DIP2C: variants seen among roughly 807,000 people sequenced by gnomAD.
The protein encoded by DIP2C is disco-interacting protein 2 homolog C.
A neutral mutation model predicts 192.4 loss-of-function variants in DIP2C; 33 were observed. That is an observed-to-expected ratio of 0.17 (90% CI 0.13 to 0.23). DIP2C has a LOEUF of 0.23. Ranked by LOEUF, DIP2C falls within the 10% of genes least tolerant of loss-of-function variation. DIP2C has a pLI of 1.00. For missense variants in DIP2C, 1,537 were observed against 2,110.1 expected (o/e 0.73, Z 5.32); for synonymous variants, 979 against 864.1 (o/e 1.13, Z -2.33).
At chr10:655,966 G>A (rs1856274583) in intron 1 of DIP2C, among the ~76,000 whole-genome samples, 1 of 151,516 alleles carries the variant, frequency 6.6e-6, no homozygotes, top group South Asian at 2.1e-4. Context: ...CCTATATAAC[G>A]CTATACTATT....
intron 1 of DIP2C, among the ~76,000 whole-genome samples, chr10:534,554 T>C (rs187520604): frequency 1.8e-3 from 277 of 152,356 alleles, no homozygotes; most frequent in Non-Finnish European, 3.2e-3. Flanking sequence ...TCTGGGGGCC[T>C]TGGGTCAAAT....
intron 3 of DIP2C, among the ~76,000 whole-genome samples, chr10:470,381 C>G (rs762702180): frequency 1.3e-5 from 2 of 152,162 alleles, no homozygotes; most frequent in Non-Finnish European, 2.9e-5. Flanking sequence ...GCTGAAGTGT[C>G]GGTCTCCTCC....
intron 32 of DIP2C, among the ~76,000 whole-genome samples, chr10:308,728 G>A (rs1191031964): frequency 6.6e-6 from 1 of 152,182 alleles, no homozygotes; most frequent in Non-Finnish European, 1.5e-5. Context: ...GCTCCTACGT[G>A]GCCACCACTC....
chr10:349,437 C>A lies in DIP2C; in HGVS notation c.3003G>T (p.Ser1001=). ...TCTTGTGCAGCTGCACGCAGGTCAG[C>A]GAGTTCGCTATCGCACCCTGCGGGC... ...LLNCRGAIAN[S]LTCVQLHKRA... is the part of the protein sequence containing the mutation. The change falls in exon 25 of 37, where the codon TCG becomes TCT. Residue 1001 remains serine (S), a synonymous_variant. Coordinates refer to ENST00000280886, the MANE Select transcript of DIP2C (RefSeq NM_014974.3). The A allele has an allele frequency of 6.2e-7, 1 of 1,608,258 alleles. No homozygotes were observed. The highest frequency in any genetic ancestry group is 8.5e-7 in the Non-Finnish European group (1 of 1,178,288).
intron 32 of DIP2C, among the ~76,000 whole-genome samples, chr10:302,132 A>C (rs1331837477): frequency 1.3e-5 from 2 of 152,212 alleles, no homozygotes; most frequent in African/African-American, 4.8e-5. Flanking sequence ...CATTTGCATG[A>C]CTACATACAC....
intron 3 of DIP2C, among the ~76,000 whole-genome samples, chr10:468,651 T>G (rs1329665208): frequency 1.3e-5 from 2 of 152,124 alleles, no homozygotes; most frequent in African/African-American, 2.4e-5. Context: ...TCCCAGCTAC[T>G]TGAGAGGCCG....
At chr10:337,467 C>T (rs909967599) in intron 29 of DIP2C, among the ~76,000 whole-genome samples, 5 of 134,522 alleles carry the variant, frequency 3.7e-5, no homozygotes, top group Admixed American at 7.7e-5. Context: ...TTGTGGAGGC[C>T]TAAGCTGATG....
chr10:685,134 CCAAAAAAAAAAAAAA>C (rs1831263137), intron 1 of DIP2C, among the ~76,000 whole-genome samples: 1 of 69,688 alleles, frequency 1.4e-5, no homozygotes, highest in African/African-American at 7.8e-5. Flanking sequence ...AACTTGGTCC[CCAAAAAAAAAAAAAA>C]AAAAAAAAAA....
intron 33 of DIP2C, among the ~76,000 whole-genome samples, chr10:286,797 A>T (rs1311742637): frequency 6.6e-6 from 1 of 152,212 alleles, no homozygotes; most frequent in Non-Finnish European, 1.5e-5. Flanking sequence ...TGGCACACAC[A>T]TGGATGGAGG....
At chr10:630,272 A>T (rs201199299) in intron 1 of DIP2C, 1 of 152,070 alleles carries the variant, frequency 6.6e-6, no homozygotes, top group African/African-American at 2.4e-5. Flanking sequence ...GTTGACAAGT[A>T]AAAAAAATTC....
At chr10:353,555 A>AT (rs564837342) in intron 24 of DIP2C, among the ~76,000 whole-genome samples, 40 of 151,162 alleles carry the variant, frequency 2.6e-4, no homozygotes, top group African/African-American at 6.8e-4. Flanking sequence ...ACACCCAGCT[A>AT]TTTTTTTTTG....
At chr10:476,012 G>A (rs1843003064) in intron 2 of DIP2C, among the ~76,000 whole-genome samples, 1 of 152,226 alleles carries the variant, frequency 6.6e-6, no homozygotes, top group African/African-American at 2.4e-5. Flanking sequence ...CACGTTCACA[G>A]TCACGTTCAG....
Position 545,166 on chromosome 10 carries a change from C to CTTTTTTTTT in DIP2C, c.86-58645_86-58637dup, listed in dbSNP as rs60185327. Among the ~76,000 whole-genome samples the CTTTTTTTTT allele has an allele frequency of 7.8e-4, 67 of 86,352 alleles. 1 individual carries two copies. The highest frequency in any genetic ancestry group is 1.9e-3 in the African/African-American group (33 of 17,600). 56.7% of individuals were successfully genotyped at this position (86,352 alleles called of 152,430 possible). ...TGATCCAACATGACTGGTGTTTTCC[C>CTTTTTTTTT]TTTTTTTTTTTTTTTTTTTTTTTGA... On this transcript the variant is annotated intron_variant, in intron 1 of 36. Coordinates refer to ENST00000280886, the MANE Select transcript of DIP2C (RefSeq NM_014974.3).
At chr10:383,945 A>ACAGC in intron 16 of DIP2C, 82 bp downstream of exon 16, 1 of 1,400,500 alleles carries the variant, frequency 7.1e-7, no homozygotes, top group Non-Finnish European at 9.2e-7. Flanking sequence ...AAAAGACTTC[A>ACAGC]CAGCCTGCCT....
intron 1 of DIP2C, among the ~76,000 whole-genome samples, chr10:524,766 G>A (rs1846950898): frequency 1.3e-5 from 2 of 151,960 alleles, no homozygotes; most frequent in Admixed American, 1.3e-4. Flanking sequence ...AACAATAATA[G>A]CTCATTAGTT....
intron 1 of DIP2C, among the ~76,000 whole-genome samples, chr10:633,320 G>A (rs1854635444): frequency 6.6e-6 from 1 of 152,234 alleles, no homozygotes; most frequent in African/African-American, 2.4e-5. Context: ...AGCAGAGAGA[G>A]AAAACGTCCA....
Position 390,646 on chromosome 10 carries a change from A to T in DIP2C, c.1384+94T>A, listed in dbSNP as rs1250347445. On this transcript the variant is annotated intron_variant, in intron 11 of 36. Transcript: ENST00000280886. Reference sequence around the variant, plus strand: ...GTCTGTGACTGACGTTTCATTCCACAGAGGATTGAAACCGAGGCGGGGTGA... The same window carrying T: ...GTCTGTGACTGACGTTTCATTCCACTGAGGATTGAAACCGAGGCGGGGTGA... 3.9e-6 allele frequency: 6 copies of T among 1,528,580 alleles called. No individual in the cohort carries two copies. In the East Asian group the frequency reaches 1.4e-4, roughly 35 times the overall value. 94.7% of individuals were successfully genotyped at this position (1,528,580 alleles called of 1,614,324 possible).
At chr10:555,202 TC>T (rs869272439) in intron 1 of DIP2C, among the ~76,000 whole-genome samples, 2,103 of 89,186 alleles carry the variant, frequency 0.024, 55 homozygotes, top group African/African-American at 0.2. Flanking sequence ...TTTTTTTTTT[TC>T]CCAAGCCATT....
intron 31 of DIP2C, chr10:311,544 G>C: frequency 8.1e-7 from 1 of 1,232,408 alleles, no homozygotes; most frequent in South Asian, 4.1e-5. Context: ...TACCTGCTCG[G>C]CCAGGGTCCA....
Sources: gnomAD v4.1 joint callset for allele counts (sites outside exome capture counted in the v4.1 genomes callset) on GRCh38, gnomAD v4.1.1 for gene constraint, MANE v1.5 for transcripts, NCBI Gene and HGNC (gene_info 2026-07-23, HGNC 2026-07-21) for gene names.